PLXNA2: variants seen among roughly 807,000 people sequenced by gnomAD.
PLXNA2 encodes the protein plexin A2.
Under a neutral mutation model 193.5 loss-of-function variants are expected in PLXNA2, and 91 were observed. The observed-to-expected ratio is 0.47, with a 90% CI of 0.40 to 0.56. The LOEUF is 0.56. Among genes scored for constraint, PLXNA2 ranks in the 20% least tolerant of loss-of-function variants. PLXNA2 has a pLI of 0.00. For missense variants in PLXNA2, 1,995 were observed against 2,503.2 expected (o/e 0.80, Z 4.33); for synonymous variants, 997 against 1,027.3 (o/e 0.97, Z 0.56).
intron 1 of PLXNA2, 56 bp from the exon 2 acceptor site, chr1:208,218,058 G>A: frequency 1.3e-6 from 2 of 1,482,374 alleles, no homozygotes; most frequent in Non-Finnish European, 1.8e-6. Context: ...GAGGAGCAAA[G>A]AGGCTGGCCT....
At chr1:208,118,650 C>T (rs1667713991) in intron 4 of PLXNA2, among the ~76,000 whole-genome samples, 1 of 152,152 alleles carries the variant, frequency 6.6e-6, no homozygotes. Flanking sequence ...CCTGACCTCC[C>T]TGAATGGCTG....
rs1671183387 is a variant in PLXNA2 at position 208,217,692 on chromosome 1, C to T, written c.231G>A (p.Leu77=). 6.2e-7 allele frequency: 1 copy of T among 1,614,216 alleles called. No individual in the cohort carries two copies. Among genetic ancestry groups the T allele is most frequent in the Non-Finnish European group, 8.5e-7 (1 of 1,180,036 alleles). The change falls in exon 2 of 32, where the codon CTG becomes CTA. Residue 77 remains leucine (L), a synonymous_variant. Coordinates refer to ENST00000367033, the MANE Select transcript of PLXNA2 (RefSeq NM_025179.4). The surrounding 1 kb of genome is among the most constrained non-coding windows in gnomAD (Gnocchi z 4.7). ...CTGTCTTATGAGCCACCTGGATGGT[C>T]AGGTTGCCTGTCAGCTTATAGACCC... ...INRVYKLTGN[L]TIQVAHKTGP...
intron 3 of PLXNA2, among the ~76,000 whole-genome samples, chr1:208,154,130 T>C (rs1668860512): frequency 6.6e-6 from 1 of 152,168 alleles, no homozygotes; most frequent in South Asian, 2.1e-4. Context: ...CCGGTCACCT[T>C]GTTCTCTTTG....
intron 3 of PLXNA2, among the ~76,000 whole-genome samples, chr1:208,155,047 G>A (rs1363657329): frequency 2.6e-5 from 4 of 152,200 alleles, no homozygotes; most frequent in Non-Finnish European, 5.9e-5. Flanking sequence ...GGGGAAATTA[G>A]TACCTCCTCC....
intron 17 of PLXNA2, among the ~76,000 whole-genome samples, chr1:208,046,997 G>A (rs1224155151): frequency 6.6e-6 from 1 of 152,148 alleles, no homozygotes; most frequent in African/African-American, 2.4e-5. Flanking sequence ...GTCTTGTTCT[G>A]TTGCCCAGGC....
At chr1:208,031,959 G>A (rs1664517959) in intron 28 of PLXNA2, 200 bp from the exon 29 acceptor site, 2 of 983,326 alleles carry the variant, frequency 2.0e-6, no homozygotes, top group African/African-American at 3.5e-5. Context: ...GTGAATCCTG[G>A]GGAAGAATCT....
chr1:208,040,324 T>A, intron 22 of PLXNA2: 1 of 487,706 alleles, frequency 2.1e-6, no homozygotes, highest in Non-Finnish European at 3.7e-6. Context: ...CTCTGAACTT[T>A]GGCTGCATCT....
chr1:208,240,509 G>T (rs962458003), intron 1 of PLXNA2, among the ~76,000 whole-genome samples: 3 of 152,188 alleles, frequency 2.0e-5, no homozygotes, highest in Non-Finnish European at 4.4e-5. Context: ...CAGGGAACTG[G>T]TTCCATTCAT....
chr1:208,205,500 C>T (rs889661245), intron 3 of PLXNA2, among the ~76,000 whole-genome samples: 1 of 152,168 alleles, frequency 6.6e-6, no homozygotes, highest in African/African-American at 2.4e-5. Flanking sequence ...AGGGCAGGCT[C>T]AAAACCAGCC....
At chr1:208,191,776 T>C (rs902416460) in intron 3 of PLXNA2, among the ~76,000 whole-genome samples, 5 of 152,164 alleles carry the variant, frequency 3.3e-5, no homozygotes, top group African/African-American at 9.7e-5. Context: ...AGCCACATAA[T>C]TGGGGTGCTA....
chr1:208,135,069 T>C (rs921633360), intron 4 of PLXNA2, among the ~76,000 whole-genome samples: 1 of 152,120 alleles, frequency 6.6e-6, no homozygotes, highest in South Asian at 2.1e-4. Context: ...CTGCTGGACA[T>C]TGGTGGATGG....
intron 26 of PLXNA2, among the ~76,000 whole-genome samples, chr1:208,035,143 C>T (rs968852487): frequency 1.3e-4 from 19 of 151,668 alleles, no homozygotes; most frequent in Admixed American, 5.3e-4. Flanking sequence ...ATCCACTTGG[C>T]GAGCTATGCA....
chr1:208,231,194 TG>T (rs1442934339), intron 1 of PLXNA2, among the ~76,000 whole-genome samples: 1 of 151,778 alleles, frequency 6.6e-6, no homozygotes, highest in East Asian at 1.9e-4. Context: ...AATGTGCTGA[TG>T]GGGAGCAGGG....
chr1:208,053,310 A>C (rs1665323617), intron 14 of PLXNA2, among the ~76,000 whole-genome samples: 1 of 152,198 alleles, frequency 6.6e-6, no homozygotes. Context: ...GGGCTAGGTT[A>C]TCTCTAAAGC....
At chr1:208,073,477 T>C (rs917895662) in intron 12 of PLXNA2, among the ~76,000 whole-genome samples, 1 of 152,162 alleles carries the variant, frequency 6.6e-6, no homozygotes, top group Non-Finnish European at 1.5e-5. Flanking sequence ...CACATATACA[T>C]GTGACAGACA....
At chr1:208,033,266 C>T in intron 28 of PLXNA2, 53 bp downstream of exon 28, 1 of 1,478,838 alleles carries the variant, frequency 6.8e-7, no homozygotes, top group Non-Finnish European at 9.3e-7. Flanking sequence ...TGTGGAGGGG[C>T]AGGATGTGCT....
At chr1:208,041,296 A>T (rs1664861858) in intron 22 of PLXNA2, among the ~76,000 whole-genome samples, 1 of 152,104 alleles carries the variant, frequency 6.6e-6, no homozygotes, top group Non-Finnish European at 1.5e-5. Context: ...ACGGAGGTGC[A>T]GCCCTCCAGC....
rs142176806 is a variant in PLXNA2 at position 208,232,656 on chromosome 1, A to G, written c.-81+10987T>C. Among the ~76,000 whole-genome samples the G allele has an allele frequency of 2.5e-4, 38 of 152,336 alleles. No homozygotes were observed. In the East Asian group the frequency reaches 5.2e-3, roughly 21 times the overall value. ...GAAGAAGTTAGAGCTGTGCAAGCAG[A>G]GAATTGACCAAATCTCAGTTCAGAG... On this transcript the variant is annotated intron_variant, in intron 1 of 31. Coordinates refer to ENST00000367033, the MANE Select transcript of PLXNA2 (RefSeq NM_025179.4).
At chr1:208,134,623 C>T (rs1668249859) in intron 4 of PLXNA2, among the ~76,000 whole-genome samples, 1 of 152,172 alleles carries the variant, frequency 6.6e-6, no homozygotes, top group South Asian at 2.1e-4. Context: ...CTCCTCCCTG[C>T]CCCCTCACAT....
Sources: gnomAD v4.1 joint callset for allele counts (sites outside exome capture counted in the v4.1 genomes callset) on GRCh38, gnomAD v4.1.1 for gene constraint, Gnocchi (gnomAD v3.1) non-coding constraint, MANE v1.5 for transcripts, NCBI Gene and HGNC (gene_info 2026-07-23, HGNC 2026-07-21) for gene names.